Variants in RNF115 observed in about 807,000 individuals in gnomAD.
RNF115 encodes ring finger protein 115, also known as E3 ubiquitin-protein ligase RNF115.
RNF115 carries 31 observed loss-of-function variants against 39.2 expected under a neutral mutation model. The ratio of observed to expected loss-of-function variants is 0.79; its 90% CI spans 0.59 to 1.07. The LOEUF is 1.07. RNF115 is among the 50% of genes least tolerant of loss of function. The pLI is 0.00. For synonymous variants in RNF115, 124 were observed against 131.0 expected (o/e 0.95, Z 0.37); for missense variants, 384 against 381.7 (o/e 1.01, Z -0.05).
chr1:145,776,663 C>T (rs1553716620), intron 3 of RNF115, among the ~76,000 whole-genome samples: 2 of 151,778 alleles, frequency 1.3e-5, no homozygotes, highest in South Asian at 2.1e-4. Flanking sequence ...GGTGAAACCC[C>T]GTCTCTACTA....
chr1:145,750,419 G>C lies in RNF115; in HGVS notation c.655C>G (p.Gln219Glu). 1 of 1,612,654 alleles carries C rather than the reference G, an allele frequency of 6.2e-7. No individual in the cohort carries two copies. The highest frequency in any genetic ancestry group is 8.5e-7 in the Non-Finnish European group (1 of 1,178,762). ...ITSLPTVTVT[Q>E]EQVDMGLECP... ...AAAATGAACCTACCAACTTGTTCCT[G>C]AGTTACTGTCACTGTTGGAAGAGAT... is the stretch of plus-strand genomic sequence containing the variant. The change falls in exon 7 of 9, where the codon CAG becomes GAG. Residue 219 changes from glutamine (Q) to glutamate (E), a missense_variant. Physicochemically the swap from Gln to Glu is conservative, Grantham distance 29 (BLOSUM62 2). Coordinates refer to ENST00000582693, the MANE Select transcript of RNF115 (RefSeq NM_014455.4).
In RNF115 at chr1:145,784,581, G is replaced by T; in HGVS notation, c.177C>A (p.Gly59=). The change falls in exon 3 of 9, where the codon GGC becomes GGA. Residue 59 remains glycine (G), a synonymous_variant. Coordinates refer to ENST00000582693, the MANE Select transcript of RNF115 (RefSeq NM_014455.4). ...TTGTGGTATTGTCTATCCGACTGCC[G>T]CCACCACCTAAAAAACTAAAGAGAA... ...VTDDSSFLGG[G]GSRIDNTTTT... 6.2e-7 allele frequency: 1 copy of T among 1,613,704 alleles called. No individual in the cohort carries two copies. Among genetic ancestry groups the T allele is most frequent in the Non-Finnish European group, 8.5e-7 (1 of 1,179,800 alleles).
chr1:145,784,436 C>T, intron 3 of RNF115, 103 bp downstream of exon 3: 1 of 1,021,284 alleles, frequency 9.8e-7, no homozygotes, highest in Non-Finnish European at 1.5e-6. Context: ...CTTATACATT[C>T]AGTTAAACTC....
chr1:145,788,772 ACTCACTCTCTCTCT>A, intron 2 of RNF115, 122 bp downstream of exon 2: 1 of 743,840 alleles, frequency 1.3e-6, no homozygotes, highest in East Asian at 2.6e-5. Context: ...AAGCTCATGC[ACTCACTCTCTCTCT>A]CTCACTCTCG....
At chr1:145,804,248 G>A (rs1553721291) in intron 1 of RNF115, among the ~76,000 whole-genome samples, 1 of 152,136 alleles carries the variant, frequency 6.6e-6, no homozygotes, top group Admixed American at 6.6e-5. Context: ...CAAAGTATAT[G>A]CTCTGATAAA....
intron 1 of RNF115, among the ~76,000 whole-genome samples, chr1:145,802,442 T>TA (rs1553720999): frequency 6.6e-6 from 1 of 152,174 alleles, no homozygotes; most frequent in East Asian, 1.9e-4. Flanking sequence ...CGTGACACCT[T>TA]AGAGGACAAG....
Position 145,771,902 on chromosome 1 carries a change from A to G in RNF115, c.237T>C (p.Asp79=). ...TAAAATCTTGAAAAAACATCGTGTG[A>G]TCCAAATGGCCCCAAAGCTAGTAAA... ...THFAELWGHL[D]HTMFFQDFRP... is the part of the protein sequence containing the mutation. The change falls in exon 4 of 9, where the codon GAT becomes GAC. Residue 79 remains aspartate, a synonymous_variant. Transcript: ENST00000582693. The G allele has an allele frequency of 4.3e-6, 7 of 1,613,914 alleles. No individual in the cohort carries two copies. The highest frequency in any genetic ancestry group is 5.9e-6 in the Non-Finnish European group (7 of 1,179,932).
At chr1:145,781,900 CTT>C (rs34615861) in intron 3 of RNF115, among the ~76,000 whole-genome samples, 23 of 135,484 alleles carry the variant, frequency 1.7e-4, no homozygotes, top group Non-Finnish European at 1.6e-4. Flanking sequence ...TACACTTTTC[CTT>C]TTTTTTTTTT....
intron 4 of RNF115, 29 bp from the exon 5 acceptor site, chr1:145,753,078 C>T (rs782164241): frequency 6.9e-7 from 1 of 1,454,052 alleles, no homozygotes; most frequent in Non-Finnish European, 9.6e-7. Context: ...TTAGATAAGA[C>T]AACAGACTAA....
intron 1 of RNF115, among the ~76,000 whole-genome samples, chr1:145,823,481 G>GA (rs1288793103): frequency 7.2e-6 from 1 of 139,134 alleles, no homozygotes; most frequent in Non-Finnish European, 1.6e-5. Context: ...AAATTGAGGG[G>GA]AGAGTTATCA....
rs933229769 is a variant in RNF115, at chr1:145,741,621, T to C, written c.*5245A>G. On this transcript the variant is annotated 3_prime_UTR_variant, in exon 9 of 9. Coordinates refer to ENST00000582693, the MANE Select transcript of RNF115 (RefSeq NM_014455.4). ...TCCTCCATCTTACTGTGACAGAACC[T>C]ACATGAGATTCATTCGGGAAATTCT... 3 of 152,322 alleles carry C rather than the reference T, an allele frequency of 2.0e-5. No homozygotes were observed. The highest frequency in any genetic ancestry group is 4.4e-5 in the Non-Finnish European group (3 of 68,072). 9.4% of individuals were successfully genotyped at this position (152,322 alleles called of 1,614,324 possible).
rs1553710711 is a variant in RNF115 at position 145,739,399 on chromosome 1, A to G, written c.*7467T>C. The G allele has an allele frequency of 6.6e-6, 1 of 152,182 alleles. No individual in the cohort carries two copies. Among genetic ancestry groups the G allele is most frequent in the African/African-American group, 2.4e-5 (1 of 41,442 alleles). 9.4% of individuals were successfully genotyped at this position (152,182 alleles called of 1,614,324 possible). On this transcript the variant is annotated 3_prime_UTR_variant, in exon 9 of 9. Coordinates refer to ENST00000582693, the MANE Select transcript of RNF115 (RefSeq NM_014455.4). ...AATGTGGGAGCTAAGGTTTGTGGGA[A>G]CGGAAAGAGATATGGCTGAAGTAGA...
intron 1 of RNF115, among the ~76,000 whole-genome samples, chr1:145,794,836 T>C (rs12752808): frequency 1.3e-5 from 2 of 151,590 alleles, no homozygotes; most frequent in South Asian, 2.1e-4. Context: ...GCTAACACGG[T>C]GAAACCCTGT....
intron 4 of RNF115, among the ~76,000 whole-genome samples, chr1:145,766,572 C>T (rs1571726593): frequency 1.3e-5 from 2 of 150,700 alleles, no homozygotes; most frequent in Non-Finnish European, 1.5e-5. Context: ...TAGGGGCGGC[C>T]GGGCAGAGGC....
At chr1:145,789,066 A>G in intron 1 of RNF115, 100 bp from the exon 2 acceptor site, 1 of 749,040 alleles carries the variant, frequency 1.3e-6, no homozygotes, top group Non-Finnish European at 2.3e-6. Flanking sequence ...TGAGGCTCTG[A>G]AATGTTCTAT....
chr1:145,761,884 G>A (rs1288021069), intron 4 of RNF115, among the ~76,000 whole-genome samples: 9 of 152,168 alleles, frequency 5.9e-5, no homozygotes, highest in South Asian at 4.1e-4. Flanking sequence ...GTTGGACCCC[G>A]CAAAGCTACA....
intron 4 of RNF115, among the ~76,000 whole-genome samples, chr1:145,767,551 C>T (rs1297965571): frequency 3.9e-5 from 6 of 152,322 alleles, no homozygotes; most frequent in African/African-American, 1.4e-4. Flanking sequence ...CAGAGACGCT[C>T]CTCACTTCCC....
At chr1:145,804,106 A>G (rs1553721271) in intron 1 of RNF115, among the ~76,000 whole-genome samples, 1 of 152,236 alleles carries the variant, frequency 6.6e-6, no homozygotes, top group East Asian at 1.9e-4. Flanking sequence ...TCTTGCTTTT[A>G]GCTTAGGCTG....
intron 1 of RNF115, among the ~76,000 whole-genome samples, chr1:145,806,024 T>C (rs1350631553): frequency 6.6e-6 from 1 of 152,174 alleles, no homozygotes; most frequent in African/African-American, 2.4e-5. Flanking sequence ...AATCCAGAGA[T>C]AGCTACATTA....
Sources: gnomAD v4.1 joint callset for allele counts (sites outside exome capture counted in the v4.1 genomes callset) on GRCh38, gnomAD v4.1.1 for gene constraint, MANE v1.5 for transcripts, NCBI Gene and HGNC (gene_info 2026-07-23, HGNC 2026-07-21) for gene names.